Variants in GLG1 observed in about 807,000 individuals in gnomAD.
GLG1 encodes Golgi apparatus protein 1.
GLG1 carries 38 observed loss-of-function variants against 160.5 expected under a neutral mutation model. The observed-to-expected ratio is 0.24, with a 90% CI of 0.18 to 0.31. The LOEUF (loss-of-function observed/expected upper bound fraction) is 0.31. GLG1 is among the 10% of genes least tolerant of loss of function. GLG1 has a pLI of 1.00. For missense variants in GLG1, 1,373 were observed against 1,505.2 expected, an observed-to-expected ratio of 0.91 and a Z score of 1.45; for synonymous variants, 644 against 543.4, an observed-to-expected ratio of 1.19 and a Z score of -2.57.
intron 14 of GLG1, 136 bp downstream of exon 14, chr16:74,472,213 A>G: frequency 3.0e-6 from 2 of 661,986 alleles, no homozygotes; most frequent in East Asian, 5.3e-5. Context: ...TTACATTTTT[A>G]ATTTTAACTT....
At chr16:74,485,187 A>C (rs537232998) in intron 9 of GLG1, among the ~76,000 whole-genome samples, 2 of 152,234 alleles carry the variant, frequency 1.3e-5, no homozygotes, top group Non-Finnish European at 2.9e-5. Flanking sequence ...AATTACAGGC[A>C]TGAGCTACTG....
intron 9 of GLG1, 109 bp downstream of exon 9, chr16:74,485,687 A>G (rs969531378): frequency 1.9e-5 from 19 of 986,310 alleles, no homozygotes; most frequent in Non-Finnish European, 4.6e-6. Context: ...TTGTTCAACA[A>G]AATTTCAGTT....
rs767788301 is a variant in GLG1, at chr16:74,565,706, T to C, written c.439-33553A>G. Among the ~76,000 whole-genome samples, 89 of 152,244 alleles carry C rather than the reference T, an allele frequency of 5.8e-4. 6 individuals are homozygous for C. Among genetic ancestry groups the C allele is most frequent in the Non-Finnish European group, 8.8e-5 (6 of 68,050 alleles). ...ACCAGCACCAGAGTAGTTCTCAACCTTTCCTGGTTCGAGAGGCTGCCTGAT... is the reference window on the plus strand; with the variant it reads ...ACCAGCACCAGAGTAGTTCTCAACCCTTCCTGGTTCGAGAGGCTGCCTGAT... On this transcript the variant is annotated intron_variant, in intron 1 of 25. Coordinates refer to ENST00000422840, the MANE Select transcript of GLG1 (RefSeq NM_001145667.2).
chr16:74,472,560 C>T, intron 13 of GLG1, 149 bp from the exon 14 acceptor site: 1 of 1,485,518 alleles, frequency 6.7e-7, no homozygotes, highest in Non-Finnish European at 9.0e-7. Context: ...AAGTAGATAG[C>T]CCCAGAATAA....
chr16:74,544,581 A>C (rs2143669590), intron 1 of GLG1, among the ~76,000 whole-genome samples: 1 of 152,280 alleles, frequency 6.6e-6, no homozygotes, highest in South Asian at 2.1e-4. Flanking sequence ...ATCACGGCTC[A>C]CTGTAACCTC....
At chr16:74,529,897 T>C (rs1430080254) in intron 2 of GLG1, among the ~76,000 whole-genome samples, 1 of 143,754 alleles carries the variant, frequency 7.0e-6, no homozygotes, top group African/African-American at 2.6e-5. Context: ...CTGCAACTTC[T>C]ATCTCCCCGG....
intron 1 of GLG1, among the ~76,000 whole-genome samples, chr16:74,589,059 T>C (rs1212082745): frequency 1.3e-5 from 2 of 151,574 alleles, no homozygotes; most frequent in Non-Finnish European, 2.9e-5. Flanking sequence ...CTGGCCAACA[T>C]GGTGAAACCC....
chr16:74,462,279 C>CA, intron 21 of GLG1, 84 bp from the exon 22 acceptor site: 1 of 816,482 alleles, frequency 1.2e-6, no homozygotes, highest in Non-Finnish European at 2.0e-6. Flanking sequence ...AAAAAACAAA[C>CA]AACAACAACC....
chr16:74,455,881 G>A (rs1352918239), intron 25 of GLG1, among the ~76,000 whole-genome samples: 5 of 152,100 alleles, frequency 3.3e-5, no homozygotes, highest in African/African-American at 4.8e-5. Flanking sequence ...CAGGCAATAC[G>A]TCCACCAAAG....
chr16:74,587,799 T>A (rs1406751867), intron 1 of GLG1, among the ~76,000 whole-genome samples: 1 of 151,794 alleles, frequency 6.6e-6, no homozygotes, highest in Non-Finnish European at 1.5e-5. Flanking sequence ...GAGGTTGCAG[T>A]GAGCTGAGAC....
chr16:74,549,226 A>G (rs1200191697), intron 1 of GLG1, among the ~76,000 whole-genome samples: 1 of 151,756 alleles, frequency 6.6e-6, no homozygotes, highest in South Asian at 2.1e-4. Flanking sequence ...TATGCTTTCT[A>G]TCTCTCTAGT....
chr16:74,604,668 CTTT>C (rs1183043730), intron 1 of GLG1, among the ~76,000 whole-genome samples: 4 of 152,128 alleles, frequency 2.6e-5, no homozygotes, highest in Admixed American at 6.6e-5. Flanking sequence ...TAGTTTACTT[CTTT>C]AAGTTATGCT....
chr16:74,521,403 C>T (rs937931000), intron 2 of GLG1, among the ~76,000 whole-genome samples: 26 of 152,010 alleles, frequency 1.7e-4, no homozygotes, highest in African/African-American at 5.8e-4. Context: ...ACAGAAGTCC[C>T]GGAGAGACAT....
At position 74,465,832 on chromosome 16, in the gene GLG1, A is replaced by G. The variant is rs1567459999; in HGVS notation, c.2530-19T>C. On this transcript the variant is annotated intron_variant, in intron 18 of 25. Coordinates refer to ENST00000422840, the MANE Select transcript of GLG1 (RefSeq NM_001145667.2). ...CGATAATCTATGGCAAAAGAGTTAT[A>G]GTCAAGTTGAGAGATGTCAGAGACT... 1.2e-6 allele frequency: 2 copies of G among 1,611,552 alleles called. No individual in the cohort carries two copies. Among genetic ancestry groups the G allele is most frequent in the African/African-American group, 1.3e-5 (1 of 74,978 alleles).
intron 16 of GLG1, chr16:74,469,749 C>A: frequency 1.9e-6 from 1 of 526,070 alleles, no homozygotes; most frequent in Admixed American, 3.2e-5. Context: ...ATGGCCTGAC[C>A]TGGAAAAATT....
Position 74,452,280 on chromosome 16 carries a change from C to T in GLG1, c.*887G>A, listed in dbSNP as rs558449042. 47 of 1,467,030 alleles carry T rather than the reference C, an allele frequency of 3.2e-5. No individual in the cohort carries two copies. The highest frequency in any genetic ancestry group is 1.1e-4 in the African/African-American group (8 of 71,366). The allele number at this position is 1,467,030 out of a possible 1,614,324, so 90.9% of individuals were successfully genotyped here. Reference sequence around the variant, plus strand: ...AGAGTGACTGTAGCCTCAGCAGGGCCGGTCCAGACATGGCTGAGTCCTGTG... The same window carrying T: ...AGAGTGACTGTAGCCTCAGCAGGGCTGGTCCAGACATGGCTGAGTCCTGTG... On this transcript the variant is annotated 3_prime_UTR_variant, in exon 26 of 26. Coordinates refer to ENST00000422840, the MANE Select transcript of GLG1 (RefSeq NM_001145667.2).
chr16:74,506,581 C>CAAAAAAA (rs56175030), intron 3 of GLG1, among the ~76,000 whole-genome samples: 9,944 of 38,880 alleles, frequency 0.26, 3,558 homozygotes, highest in Middle Eastern at 0.32. Flanking sequence ...GACTCCGTCT[C>CAAAAAAA]AAAAAAAAAA....
rs920559046 is a variant in GLG1 at position 74,555,829 on chromosome 16, C to CTT, written c.439-23678_439-23677dup. 1.3e-3 allele frequency among the ~76,000 whole-genome samples: 190 copies of CTT among 142,964 alleles called. 2 individuals carry two copies. In the South Asian group the frequency reaches 0.014, roughly 10 times the overall value. The allele number at this position is 142,964 out of a possible 152,430, so 93.8% of individuals were successfully genotyped here. On this transcript the variant is annotated intron_variant, in intron 1 of 25. Coordinates refer to ENST00000422840, the MANE Select transcript of GLG1 (RefSeq NM_001145667.2). ...ACAATTATAGCTGGTGATAATTCAT[C>CTT]TTTTTTTTTTTCTTTTTCTTTTGAG... is the stretch of plus-strand genomic sequence containing the variant.
chr16:74,465,276 G>T (rs2014958513), intron 19 of GLG1, among the ~76,000 whole-genome samples: 1 of 152,212 alleles, frequency 6.6e-6, no homozygotes, highest in Non-Finnish European at 1.5e-5. Context: ...TCTTCTGAAT[G>T]TGCCAGATGG....
Sources: gnomAD v4.1 joint callset for allele counts (sites outside exome capture counted in the v4.1 genomes callset) on GRCh38, gnomAD v4.1.1 for gene constraint, MANE v1.5 for transcripts, NCBI Gene and HGNC (gene_info 2026-07-23, HGNC 2026-07-21) for gene names.